ALK: variants seen among roughly 807,000 people sequenced by gnomAD.
ALK encodes the protein ALK receptor tyrosine kinase.
ALK carries 74 observed loss-of-function variants against 163.1 expected under a neutral mutation model. That is an observed-to-expected ratio of 0.45 (90% confidence interval 0.38 to 0.55). ALK has a LOEUF of 0.55. Ranked by LOEUF, ALK falls within the 20% of genes least tolerant of loss-of-function variation. The probability of loss-of-function intolerance (pLI) is 0.00; values close to 1 mark genes in which losing one functional copy is unlikely to be tolerated. For missense variants in ALK, 2,063 were observed against 2,105.3 expected, an observed-to-expected ratio of 0.98 and a Z score of 0.39; for synonymous variants, 960 against 843.2, an observed-to-expected ratio of 1.14 and a Z score of -2.40.
chr2:29,217,189 G>A (rs540082099), intron 23 of ALK, among the ~76,000 whole-genome samples: 1 of 151,258 alleles, frequency 6.6e-6, no homozygotes, highest in African/African-American at 2.4e-5. Flanking sequence ...TTGTGTACAT[G>A]TGTGGTGTTT....
intron 2 of ALK, among the ~76,000 whole-genome samples, chr2:29,712,020 A>C (rs1369686383): frequency 6.6e-6 from 1 of 152,204 alleles, no homozygotes; most frequent in East Asian, 1.9e-4. Context: ...TAAATTGTTC[A>C]TATTTATGAA....
At chr2:29,373,108 A>T (rs989117973) in intron 5 of ALK, among the ~76,000 whole-genome samples, 1 of 152,180 alleles carries the variant, frequency 6.6e-6, no homozygotes, top group Non-Finnish European at 1.5e-5. Flanking sequence ...CTGGAGCCTA[A>T]TCCTTCACAT....
chr2:29,789,015 C>CTGTTTGTGTGTG (rs1553362485), intron 1 of ALK, among the ~76,000 whole-genome samples: 3 of 125,406 alleles, frequency 2.4e-5, no homozygotes, highest in Non-Finnish European at 5.1e-5. Flanking sequence ...TCCTGGTACA[C>CTGTTTGTGTGTG]TGTGTGTGTG....
intron 4 of ALK, among the ~76,000 whole-genome samples, chr2:29,467,275 G>A (rs551445348): frequency 6.6e-6 from 1 of 151,700 alleles, no homozygotes; most frequent in East Asian, 1.9e-4. Flanking sequence ...CCAAGTTGAG[G>A]ATAAAGAGTC....
chr2:29,622,026 A>G (rs1457281887), intron 3 of ALK, among the ~76,000 whole-genome samples: 1 of 152,208 alleles, frequency 6.6e-6, no homozygotes, highest in African/African-American at 2.4e-5. Context: ...GCCACAGTAC[A>G]GGCTAACCTC....
At position 29,435,839 on chromosome 2, in the gene ALK, C is replaced by A. The variant is rs79242472; in HGVS notation, c.1155-51980G>T. ...ACTTGTTAACTACGTAATTTTCCACCTTTGTCTTAAGGATTTTTATTTTTC... is the reference window on the plus strand; with the variant it reads ...ACTTGTTAACTACGTAATTTTCCACATTTGTCTTAAGGATTTTTATTTTTC... On this transcript the variant is annotated intron_variant, in intron 4 of 28. Transcript: ENST00000389048. Among the ~76,000 whole-genome samples, 386 of 152,164 alleles carry A rather than the reference C, an allele frequency of 2.5e-3. 4 individuals carry two copies. Among genetic ancestry groups the A allele is most frequent in the African/African-American group, 8.6e-3 (356 of 41,510 alleles).
At chr2:29,836,526 C>G (rs1665565943) in intron 1 of ALK, among the ~76,000 whole-genome samples, 2 of 152,142 alleles carry the variant, frequency 1.3e-5, no homozygotes, top group Admixed American at 6.5e-5. Flanking sequence ...AACTCCCTAG[C>G]CAGAGCTAAT....
At chr2:29,870,164 A>G (rs1054738810) in intron 1 of ALK, among the ~76,000 whole-genome samples, 17 of 152,212 alleles carry the variant, frequency 1.1e-4, no homozygotes, top group African/African-American at 4.1e-4. Flanking sequence ...AGGGTAAATT[A>G]TCCCTGTATA....
chr2:29,632,523 T>C (rs1247494014), intron 3 of ALK, among the ~76,000 whole-genome samples: 2 of 152,168 alleles, frequency 1.3e-5, no homozygotes, highest in East Asian at 1.9e-4. Flanking sequence ...CCTAATCTGA[T>C]AGAATTGGTG....
At chr2:29,842,974 G>A (rs1189925297) in intron 1 of ALK, among the ~76,000 whole-genome samples, 2 of 152,210 alleles carry the variant, frequency 1.3e-5, no homozygotes, top group African/African-American at 2.4e-5. Flanking sequence ...GAGGAAATGA[G>A]AACAGGGAAT....
chr2:29,219,966 T>C (rs1669757076), intron 23 of ALK, among the ~76,000 whole-genome samples: 1 of 152,146 alleles, frequency 6.6e-6, no homozygotes, highest in Non-Finnish European at 1.5e-5. Flanking sequence ...TCTGAATGAG[T>C]AGCTGCAGAG....
rs975776561 is a variant in ALK at position 29,794,285 on chromosome 2, G to C, written c.668-76588C>G. Among the ~76,000 whole-genome samples, 4 of 152,062 alleles carry C rather than the reference G, an allele frequency of 2.6e-5. 1 individual carries two copies. Among genetic ancestry groups the C allele is most frequent in the African/African-American group, 9.7e-5 (4 of 41,408 alleles). ...GGCCTTCATAGAATTGAAGAGAGTT[G>C]AACTTTGCACTAGATTAAGCTTTGA... On this transcript the variant is annotated intron_variant, in intron 1 of 28. Transcript: ENST00000389048.
rs199947131 is a variant in ALK at position 29,193,159 on chromosome 2, C to T, written c.*65G>A. On this transcript the variant is annotated 3_prime_UTR_variant, in exon 29 of 29. Coordinates refer to ENST00000389048, the MANE Select transcript of ALK (RefSeq NM_004304.5). Reference sequence around the variant, plus strand: ...TTTGGTCTCTGGTTTGTGAAGGAGCCATTGCCTCTCTCTCCTCCACGGTCT... The same window carrying T: ...TTTGGTCTCTGGTTTGTGAAGGAGCTATTGCCTCTCTCTCCTCCACGGTCT... 3.5e-5 allele frequency: 53 copies of T among 1,518,646 alleles called. No homozygotes were observed. Among genetic ancestry groups the T allele is most frequent in the Non-Finnish European group, 4.8e-5 (53 of 1,100,646 alleles). The allele number at this position is 1,518,646 out of a possible 1,614,324, so 94.1% of individuals were successfully genotyped here. A position where few individuals can be genotyped will look rare whatever the true frequency, so the allele number is the denominator to read the frequency against.
intron 4 of ALK, among the ~76,000 whole-genome samples, chr2:29,432,802 A>T (rs527859181): frequency 1.3e-5 from 2 of 151,556 alleles, no homozygotes; most frequent in Non-Finnish European, 2.9e-5. Context: ...TGATTCATCT[A>T]AACATTTGTC....
chr2:29,465,513 G>A (rs1357344732), intron 4 of ALK, among the ~76,000 whole-genome samples: 1 of 152,070 alleles, frequency 6.6e-6, no homozygotes, highest in Non-Finnish European at 1.5e-5. Flanking sequence ...GGCCAACATG[G>A]TGAAACTCTG....
intron 6 of ALK, among the ~76,000 whole-genome samples, chr2:29,327,935 T>A (rs764426170): frequency 2.2e-4 from 34 of 151,896 alleles, no homozygotes; most frequent in Non-Finnish European, 4.4e-5. Context: ...GCATGAAGGA[T>A]CTGTAAGGTG....
At chr2:29,435,183 G>A (rs1313942287) in intron 4 of ALK, among the ~76,000 whole-genome samples, 1 of 152,136 alleles carries the variant, frequency 6.6e-6, no homozygotes, top group African/African-American at 2.4e-5. Context: ...GAAGCAAAGA[G>A]TCTCTACTAC....
chr2:29,885,092 C>T (rs1391022648), intron 1 of ALK, among the ~76,000 whole-genome samples: 1 of 152,176 alleles, frequency 6.6e-6, no homozygotes, highest in East Asian at 1.9e-4. Flanking sequence ...ATGCTGAGAC[C>T]CTTTTTCTGG....
At chr2:29,630,195 AATAGGAAGGTGCCC>A (rs1558416476) in intron 3 of ALK, among the ~76,000 whole-genome samples, 2 of 151,820 alleles carry the variant, frequency 1.3e-5, no homozygotes, top group Non-Finnish European at 2.9e-5. Flanking sequence ...GTCGTGGATG[AATAGGAAGGTGCCC>A]AAAGTAGATC....
Sources: gnomAD v4.1 joint callset for allele counts (sites outside exome capture counted in the v4.1 genomes callset) on GRCh38, gnomAD v4.1.1 for gene constraint, MANE v1.5 for transcripts, NCBI Gene and HGNC (gene_info 2026-07-23, HGNC 2026-07-21) for gene names.